Variants in CYP4X1 observed in about 807,000 individuals in gnomAD.
CYP4X1 encodes cytochrome P450 4X1.
CYP4X1 carries 44 observed loss-of-function variants against 57.9 expected under a neutral mutation model. That is an observed-to-expected ratio of 0.76 (90% CI 0.60 to 0.98). The LOEUF (loss-of-function observed/expected upper bound fraction) is 0.98. Among genes scored for constraint, CYP4X1 ranks in the 50% least tolerant of loss-of-function variants. The pLI is 0.00. For missense variants in CYP4X1, 532 were observed against 623.9 expected (o/e 0.85, Z 1.57); for synonymous variants, 227 against 228.6 (o/e 0.99, Z 0.06).
At chr1:47,036,255 CA>C in intron 6 of CYP4X1, 84 bp downstream of exon 6, 2 of 1,404,560 alleles carry the variant, frequency 1.4e-6, no homozygotes, top group Non-Finnish European at 1.9e-6. Context: ...CTTAATATGA[CA>C]AGAGAAAGAA....
the CYP4X1 span, among the ~76,000 whole-genome samples, chr1:46,988,063 T>TA: frequency 4.8e-3 from 731 of 151,984 alleles, 12 homozygotes; most frequent in East Asian, 0.045. Flanking sequence ...ATAAGAGACA[T>TA]AAAAAACCCC....
chr1:47,052,802 TAAAAAATAA>T (rs1342784507), downstream of CYP4X1, among the ~76,000 whole-genome samples: 24 of 152,022 alleles, frequency 1.6e-4, no homozygotes, highest in African/African-American at 5.1e-4. Flanking sequence ...AATAAATAAA[TAAAAAATAA>T]AATAAAAAAA....
At chr1:46,994,809 T>TG in the CYP4X1 span, among the ~76,000 whole-genome samples, 2 of 152,156 alleles carry the variant, frequency 1.3e-5, no homozygotes, top group Non-Finnish European at 2.9e-5. Context: ...GTATGCCAGA[T>TG]GGGGGGCACA....
In CYP4X1 at chr1:47,050,157, A is replaced by G. The variant is rs1438055818; in HGVS notation, c.1513A>G (p.Lys505Glu). The G allele has an allele frequency of 1.3e-5, 21 of 1,613,802 alleles. No individual in the cohort carries two copies. The highest frequency in any genetic ancestry group is 1.8e-5 in the Non-Finnish European group (21 of 1,179,944). ...PKNGMYLHLK[K>E]LSEC is the part of the protein sequence containing the mutation. ...GAATGGGATGTATTTGCACCTGAAG[A>G]AACTCTCTGAATGTTAGATCTCAGG... The change falls in exon 12 of 12, where the codon AAA becomes GAA. Residue 505 changes from lysine (K) to glutamate (E), a missense_variant. Physicochemically the swap from Lys to Glu is moderately conservative, Grantham distance 56. Coordinates refer to ENST00000371901, the MANE Select transcript of CYP4X1 (RefSeq NM_178033.2).
chr1:47,008,781 A>G, the CYP4X1 span, among the ~76,000 whole-genome samples: 14 of 152,218 alleles, frequency 9.2e-5, no homozygotes, highest in Non-Finnish European at 1.5e-4. Context: ...CTAGTCTCTG[A>G]TAAAACAGAC....
At chr1:47,047,144 C>T (rs765031542) in intron 9 of CYP4X1, among the ~76,000 whole-genome samples, 1 of 152,098 alleles carries the variant, frequency 6.6e-6, no homozygotes, top group Non-Finnish European at 1.5e-5. Flanking sequence ...TCAATGTGGC[C>T]CAAAATCCAG....
At chr1:46,968,434 T>G in the CYP4X1 span, among the ~76,000 whole-genome samples, 5 of 152,180 alleles carry the variant, frequency 3.3e-5, no homozygotes, top group African/African-American at 1.2e-4. Context: ...CTCCATGGAC[T>G]GTTGCCTCGC....
At chr1:46,986,706 T>G in the CYP4X1 span, among the ~76,000 whole-genome samples, 2 of 152,112 alleles carry the variant, frequency 1.3e-5, no homozygotes, top group Non-Finnish European at 2.9e-5. Flanking sequence ...TCCTACAAGC[T>G]AGAAGAAAGT....
the CYP4X1 span, among the ~76,000 whole-genome samples, chr1:46,984,401 A>AT: frequency 8.1e-6 from 1 of 123,746 alleles, no homozygotes. Flanking sequence ...AAAAAAAAAA[A>AT]CCAGGAGAGG....
upstream of CYP4X1, among the ~76,000 whole-genome samples, chr1:47,022,519 GA>G (rs1644009488): frequency 6.6e-6 from 1 of 151,968 alleles, no homozygotes; most frequent in Admixed American, 6.5e-5. Context: ...TTGATCCCTT[GA>G]CCTCGTGATC....
chr1:47,000,640 T>C, the CYP4X1 span, among the ~76,000 whole-genome samples: 1 of 151,696 alleles, frequency 6.6e-6, no homozygotes, highest in Non-Finnish European at 1.5e-5. Flanking sequence ...AGAAGACAGA[T>C]ATAGGGGCAG....
chr1:47,039,110 A>G (rs1043188398), intron 7 of CYP4X1, among the ~76,000 whole-genome samples: 1 of 152,150 alleles, frequency 6.6e-6, no homozygotes, highest in Non-Finnish European at 1.5e-5. Flanking sequence ...GAGAATTTCT[A>G]GGGCCTGTTG....
chr1:47,007,640 G>A, the CYP4X1 span, among the ~76,000 whole-genome samples: 3 of 152,080 alleles, frequency 2.0e-5, no homozygotes, highest in South Asian at 2.1e-4. Flanking sequence ...AGCTAAAGGA[G>A]GAAGTTCAAA....
the CYP4X1 span, among the ~76,000 whole-genome samples, chr1:46,983,802 T>C: frequency 1.3e-5 from 2 of 152,092 alleles, no homozygotes; most frequent in Admixed American, 1.3e-4. Flanking sequence ...CCAGCCCAGA[T>C]AATACAGAGC....
At chr1:46,969,061 G>A in the CYP4X1 span, among the ~76,000 whole-genome samples, 7 of 152,156 alleles carry the variant, frequency 4.6e-5, no homozygotes, top group Admixed American at 3.3e-4. Context: ...TTGGGTGGGA[G>A]TTGATTGGAT....
At chr1:46,967,081 G>T in the CYP4X1 span, among the ~76,000 whole-genome samples, 3 of 152,202 alleles carry the variant, frequency 2.0e-5, no homozygotes, top group African/African-American at 7.2e-5. Flanking sequence ...GTTGTGAAGA[G>T]ATTTTGTGGT....
At chr1:46,983,653 A>G in the CYP4X1 span, among the ~76,000 whole-genome samples, 1 of 152,124 alleles carries the variant, frequency 6.6e-6, no homozygotes, top group Non-Finnish European at 1.5e-5. Context: ...GTCTGGGCAC[A>G]TTTCTGTAAG....
chr1:47,052,734 ATCT>A (rs1038153720), downstream of CYP4X1, among the ~76,000 whole-genome samples: 25 of 152,296 alleles, frequency 1.6e-4, no homozygotes, highest in African/African-American at 4.8e-4. Flanking sequence ...TGCCCTAGAA[ATCT>A]TCTTTGGAAC....
At chr1:46,984,873 G>A in the CYP4X1 span, among the ~76,000 whole-genome samples, 1 of 152,184 alleles carries the variant, frequency 6.6e-6, no homozygotes, top group African/African-American at 2.4e-5. Flanking sequence ...TCACTCCCCT[G>A]GAAAGGGGGC....
Sources: allele counts gnomAD v4.1 joint callset (sites outside exome capture counted in the v4.1 genomes callset), GRCh38; gene constraint gnomAD v4.1.1; transcripts MANE v1.5; gene names NCBI Gene and HGNC (gene_info 2026-07-23, HGNC 2026-07-21).